Variants in GARNL3 observed in about 807,000 individuals in gnomAD.
GARNL3 encodes the protein GTPase-activating Rap/Ran-GAP domain-like protein 3.
GARNL3 carries 63 observed loss-of-function variants against 125.0 expected under a neutral mutation model. The observed-to-expected ratio is 0.50, with a 90% CI of 0.41 to 0.62. The LOEUF is 0.62. GARNL3 is among the 20% of genes least tolerant of loss of function. GARNL3 has a pLI of 0.00. For synonymous variants in GARNL3, 439 were observed against 457.5 expected (o/e 0.96, Z 0.52); for missense variants, 994 against 1,244.0 (o/e 0.80, Z 3.02).
At position 127,389,045 on chromosome 9, in the gene GARNL3, C is replaced by G; in HGVS notation, c.2669C>G (p.Pro890Arg). The G allele has an allele frequency of 6.2e-7, 1 of 1,614,174 alleles. No homozygotes were observed. Among genetic ancestry groups the G allele is most frequent in the South Asian group, 1.1e-5 (1 of 91,076 alleles). The change falls in exon 26 of 28, where the codon CCA becomes CGA. Residue 890 changes from proline (P) to arginine (R), a missense_variant. Transcript: ENST00000373387. ...TPISVGLAAI[P>R]VTHSLSLSRM... The stretch of plus-strand genomic sequence containing the variant: ...ATCAGTGTGGGCCTTGCTGCCATTC[C>G]AGTCACGCACTCCTTGTCCCTGTCT...
At chr9:127,371,830 C>T (rs915261409) in intron 22 of GARNL3, among the ~76,000 whole-genome samples, 1 of 152,196 alleles carries the variant, frequency 6.6e-6, no homozygotes, top group African/African-American at 2.4e-5. Flanking sequence ...TAGATTTACA[C>T]ATATTTGGTA....
rs776960605 is a variant in GARNL3 at position 127,312,026 on chromosome 9, AG to A, written c.319+294del. On this transcript the variant is annotated intron_variant, in intron 3 of 27. Coordinates refer to ENST00000373387, the MANE Select transcript of GARNL3 (RefSeq NM_032293.5). ...ATTTGAGAGATAAGACGAATTTTCC[AG>A]GGTGGAAAAACAACTTTAGACCTAA... Among the ~76,000 whole-genome samples the A allele has an allele frequency of 4.6e-5, 7 of 152,314 alleles. No individual in the cohort carries two copies. The East Asian group carries it at 9.6e-4, about 21-fold the overall frequency.
intron 22 of GARNL3, among the ~76,000 whole-genome samples, chr9:127,366,474 T>C (rs1171052624): frequency 1.3e-5 from 2 of 152,232 alleles, no homozygotes; most frequent in Non-Finnish European, 2.9e-5. Flanking sequence ...CCTGCTGCCC[T>C]GCATCCCCAG....
chr9:127,341,073 T>G (rs773561728), intron 13 of GARNL3, among the ~76,000 whole-genome samples: 22 of 152,174 alleles, frequency 1.4e-4, no homozygotes, highest in Non-Finnish European at 2.5e-4. Context: ...CCCTCTGCTT[T>G]CCAGCTGGGC....
At chr9:127,339,556 G>A in intron 12 of GARNL3, 89 bp from the exon 13 acceptor site, 1 of 886,948 alleles carries the variant, frequency 1.1e-6, no homozygotes, top group South Asian at 1.4e-5. Flanking sequence ...TGGGAATTCT[G>A]GGAGATACAA....
intron 17 of GARNL3, among the ~76,000 whole-genome samples, chr9:127,350,633 G>A (rs1372491777): frequency 3.9e-5 from 6 of 152,010 alleles, no homozygotes; most frequent in South Asian, 2.1e-4. Context: ...AAAATTAGCC[G>A]GATGTGGTGG....
intron 17 of GARNL3, among the ~76,000 whole-genome samples, chr9:127,351,728 C>T (rs1225783087): frequency 6.6e-6 from 1 of 152,118 alleles, no homozygotes; most frequent in Non-Finnish European, 1.5e-5. Flanking sequence ...AAATCAAGAC[C>T]TTTTGTATCC....
Position 127,365,233 on chromosome 9 carries a change from C to G in GARNL3, c.2095-67C>G, listed in dbSNP as rs986294846. 2.2e-6 allele frequency: 3 copies of G among 1,379,950 alleles called. No homozygotes were observed. The Admixed American group carries it at 5.0e-5, about 23-fold the overall frequency. The allele number at this position is 1,379,950 out of a possible 1,614,324, so 85.5% of individuals were successfully genotyped here. ...CCTCGGCCTCCACAAATGCTCACAA[C>G]TTGTAAAAGTCTTTTCACAGGGTCA... On this transcript the variant is annotated intron_variant, in intron 21 of 27. Coordinates refer to ENST00000373387, the MANE Select transcript of GARNL3 (RefSeq NM_032293.5).
Position 127,264,954 on chromosome 9 carries a change from C to G in GARNL3, c.77C>G (p.Ser26Cys). ...CTGATGAAGCATTTTTGTTCCAGCT[C>G]TGTCTCGGAAGACCTAGGCTGTAGA... The part of the protein sequence containing the change: ...IILMKHFCSS[S>C]VSEDLGCRRG... The change falls in exon 1 of 28, where the codon TCT becomes TGT. Residue 26 changes from serine to cysteine, a missense_variant. Physicochemically the swap from Ser to Cys is moderately radical, Grantham distance 112. This residue lies in a region of GARNL3 where 37 missense variants were observed against 34.2 expected (regional missense o/e 1.08). Coordinates refer to ENST00000373387, the MANE Select transcript of GARNL3 (RefSeq NM_032293.5). 3 of 1,613,310 alleles carry G rather than the reference C, an allele frequency of 1.9e-6. No individual in the cohort carries two copies. Among genetic ancestry groups the G allele is most frequent in the Non-Finnish European group, 2.5e-6 (3 of 1,179,608 alleles).
At chr9:127,231,505 G>C (rs1224589220) in intron 1 of GARNL3, among the ~76,000 whole-genome samples, 1 of 152,058 alleles carries the variant, frequency 6.6e-6, no homozygotes, top group Admixed American at 6.6e-5. Flanking sequence ...ATATTTCATA[G>C]AGGCCAAACC....
At chr9:127,246,000 C>A (rs944764402) in intron 2 of GARNL3, among the ~76,000 whole-genome samples, 4 of 152,116 alleles carry the variant, frequency 2.6e-5, no homozygotes, top group African/African-American at 4.8e-5. Flanking sequence ...GTGCTGAACA[C>A]CAATGAAGTT....
At chr9:127,369,086 C>T (rs1201540931) in intron 22 of GARNL3, 2 of 144,172 alleles carry the variant, frequency 1.4e-5, no homozygotes, top group African/African-American at 5.2e-5. Context: ...TTCCTGTTTA[C>T]ACTACTGCTT....
chr9:127,347,616 GGTT>G (rs1357084931), intron 16 of GARNL3, among the ~76,000 whole-genome samples: 2 of 152,186 alleles, frequency 1.3e-5, no homozygotes, highest in Non-Finnish European at 2.9e-5. Flanking sequence ...ACTAAGAACT[GGTT>G]GTTCTGTTGG....
At chr9:127,339,093 C>G (rs903230442) in intron 12 of GARNL3, among the ~76,000 whole-genome samples, 1 of 151,642 alleles carries the variant, frequency 6.6e-6, no homozygotes, top group Non-Finnish European at 1.5e-5. Context: ...GTCAGGAGAT[C>G]GAGACCATCC....
Position 127,335,352 on chromosome 9 carries a change from A to G in GARNL3, c.873+19A>G, listed in dbSNP as rs754439620. On this transcript the variant is annotated intron_variant, in intron 10 of 27. Transcript: ENST00000373387. ...ACAGCAGGTACATGTGAACATACAA[A>G]CCATCAAATAGTGATGTGAATGTGG... The G allele has an allele frequency of 6.5e-7, 1 of 1,527,342 alleles. No homozygotes were observed. The highest frequency in any genetic ancestry group is 1.1e-5 in the South Asian group (1 of 89,420). 94.6% of individuals were successfully genotyped at this position (1,527,342 alleles called of 1,614,324 possible). A position where few individuals can be genotyped will look rare whatever the true frequency, so the allele number is the denominator to read the frequency against.
At chr9:127,288,451 C>T (rs778639237) in intron 1 of GARNL3, among the ~76,000 whole-genome samples, 36 of 152,214 alleles carry the variant, frequency 2.4e-4, no homozygotes, top group Non-Finnish European at 3.8e-4. Flanking sequence ...TGTGAGGAGC[C>T]GCTTGGAGAG....
chr9:127,233,868 T>C (rs1007244259), intron 1 of GARNL3, among the ~76,000 whole-genome samples: 2 of 152,220 alleles, frequency 1.3e-5, no homozygotes. Context: ...TTCTTCTTCC[T>C]TATGTTTCTT....
At chr9:127,340,063 G>A (rs902409816) in intron 13 of GARNL3, among the ~76,000 whole-genome samples, 2 of 148,982 alleles carry the variant, frequency 1.3e-5, no homozygotes, top group African/African-American at 4.8e-5. Flanking sequence ...GCTTGTATAT[G>A]TATCTGTATC....
At chr9:127,317,283 A>C (rs1435576874) in intron 4 of GARNL3, among the ~76,000 whole-genome samples, 1 of 152,220 alleles carries the variant, frequency 6.6e-6, no homozygotes, top group Non-Finnish European at 1.5e-5. Context: ...TAAATGTAAA[A>C]GTGTGCATTA....
Sources: allele counts gnomAD v4.1 joint callset (sites outside exome capture counted in the v4.1 genomes callset), GRCh38; gene constraint gnomAD v4.1.1; regional missense constraint gnomAD v4.1.1; transcripts MANE v1.5; gene names NCBI Gene and HGNC (gene_info 2026-07-23, HGNC 2026-07-21).